HS2ST1: variants seen among roughly 807,000 people sequenced by gnomAD.
HS2ST1 encodes 2-O-sulfotransferase.
HS2ST1 carries 18 observed loss-of-function variants against 42.9 expected under a neutral mutation model. The ratio of observed to expected loss-of-function variants is 0.42; its 90% CI spans 0.29 to 0.62. HS2ST1 has a LOEUF of 0.62. Among genes scored for constraint, HS2ST1 ranks in the 20% least tolerant of loss-of-function variants. HS2ST1 has a pLI of 0.21. For synonymous variants in HS2ST1, 146 were observed against 152.9 expected (o/e 0.95, Z 0.33); for missense variants, 334 against 433.8 (o/e 0.77, Z 2.04).
chr1:87,077,642 TC>T (rs1651579217), intron 2 of HS2ST1, among the ~76,000 whole-genome samples: 1 of 152,226 alleles, frequency 6.6e-6, no homozygotes, highest in Non-Finnish European at 1.5e-5. Context: ...TATTATAAGA[TC>T]TTTAAGGATA....
intron 1 of HS2ST1, among the ~76,000 whole-genome samples, chr1:86,956,064 TCATA>T (rs1414765698): frequency 5.9e-5 from 9 of 152,318 alleles, no homozygotes; most frequent in Non-Finnish European, 8.8e-5. Context: ...AGCTGTCTCT[TCATA>T]CATATATGTG....
chr1:87,023,095 A>T (rs990213259), intron 1 of HS2ST1, among the ~76,000 whole-genome samples: 2 of 152,244 alleles, frequency 1.3e-5, no homozygotes, highest in African/African-American at 4.8e-5. Context: ...ATTGTTCCCA[A>T]TATGTCAATT....
At position 87,109,189 on chromosome 1, in the gene HS2ST1, G is replaced by A. The variant is rs969798908; in HGVS notation, c.*4493G>A. The A allele has an allele frequency of 6.6e-6, 1 of 152,486 alleles. No homozygotes were observed. The highest frequency in any genetic ancestry group is 2.4e-5 in the African/African-American group (1 of 41,416). 9.4% of individuals were successfully genotyped at this position (152,486 alleles called of 1,614,324 possible). A position where few individuals can be genotyped will look rare whatever the true frequency, so the allele number is the denominator to read the frequency against. On this transcript the variant is annotated 3_prime_UTR_variant, in exon 7 of 7. Transcript: ENST00000370550. ...TAAACAGTGGGAAGGGGAAAAATTG[G>A]TGTCCTGTTTTAATATTTTCTTTTG...
Position 86,975,858 on chromosome 1 carries a change from G to A in HS2ST1, c.124+60698G>A, listed in dbSNP as rs1374640142. Among the ~76,000 whole-genome samples, 5 of 152,278 alleles carry A rather than the reference G, an allele frequency of 3.3e-5. No homozygotes were observed. The East Asian group carries it at 9.6e-4, about 29-fold the overall frequency. On this transcript the variant is annotated intron_variant, in intron 1 of 6. Transcript: ENST00000370550. Reference sequence around the variant, plus strand: ...CCTATTTTAAGGGTGAAGTACAGGGGCTAGTAACTAAAAATCACGACCTTT... The same window carrying A: ...CCTATTTTAAGGGTGAAGTACAGGGACTAGTAACTAAAAATCACGACCTTT...
At chr1:86,918,315 T>G (rs988514464) in intron 1 of HS2ST1, among the ~76,000 whole-genome samples, 2 of 152,146 alleles carry the variant, frequency 1.3e-5, no homozygotes, top group African/African-American at 4.8e-5. Context: ...TTTTTTGCCT[T>G]GAATGTTATA....
intron 1 of HS2ST1, among the ~76,000 whole-genome samples, chr1:86,968,164 TC>T (rs1480837023): frequency 6.6e-6 from 1 of 152,240 alleles, no homozygotes; most frequent in Non-Finnish European, 1.5e-5. Flanking sequence ...TTCTTTGAGT[TC>T]CTTGGAGATT....
chr1:87,018,011 G>A (rs1649809738), intron 1 of HS2ST1, among the ~76,000 whole-genome samples: 1 of 151,946 alleles, frequency 6.6e-6, no homozygotes, highest in South Asian at 2.1e-4. Flanking sequence ...TTGACTCATT[G>A]GCTTACATCT....
At chr1:86,923,277 T>G in intron 1 of HS2ST1, among the ~76,000 whole-genome samples, 1 of 152,192 alleles carries the variant, frequency 6.6e-6, no homozygotes, top group East Asian at 1.9e-4. Context: ...AGAAAGAGGC[T>G]TAATTGGACT....
chr1:86,985,614 G>T (rs1384646988), intron 1 of HS2ST1, among the ~76,000 whole-genome samples: 1 of 149,946 alleles, frequency 6.7e-6, no homozygotes, highest in East Asian at 2.0e-4. Context: ...ATTTAAAATA[G>T]ATTTTTGGAA....
intron 1 of HS2ST1, among the ~76,000 whole-genome samples, chr1:87,038,127 G>T (rs573321955): frequency 6.6e-6 from 1 of 151,894 alleles, no homozygotes; most frequent in African/African-American, 2.4e-5. Flanking sequence ...ATTTTATTTA[G>T]TTAGGTCACA....
At chr1:87,080,120 G>T (rs1011359419) in intron 2 of HS2ST1, among the ~76,000 whole-genome samples, 4 of 152,114 alleles carry the variant, frequency 2.6e-5, no homozygotes, top group African/African-American at 9.7e-5. Context: ...ACCTCAGATA[G>T]CATGGATTTA....
intron 1 of HS2ST1, among the ~76,000 whole-genome samples, chr1:86,947,923 T>C (rs1269561897): frequency 2.0e-5 from 3 of 152,096 alleles, no homozygotes; most frequent in Non-Finnish European, 4.4e-5. Flanking sequence ...ATATGGAACA[T>C]TCAGAAGAGA....
intron 1 of HS2ST1, among the ~76,000 whole-genome samples, chr1:86,989,005 C>G (rs1253257456): frequency 6.6e-6 from 1 of 152,244 alleles, no homozygotes; most frequent in Non-Finnish European, 1.5e-5. Flanking sequence ...AAGACACCTT[C>G]TGGGCATGTG....
intron 1 of HS2ST1, among the ~76,000 whole-genome samples, chr1:86,926,744 T>A (rs1660430621): frequency 6.6e-6 from 1 of 152,212 alleles, no homozygotes; most frequent in South Asian, 2.1e-4. Context: ...ACTAATATTG[T>A]AAATTCAGGG....
intron 1 of HS2ST1, among the ~76,000 whole-genome samples, chr1:86,990,812 TTATATATA>T (rs57401994): frequency 9.8e-5 from 1 of 10,246 alleles, no homozygotes; most frequent in African/African-American, 1.5e-4. Context: ...CTGGCTAATT[TTATATATA>T]TATATATATA....
intron 1 of HS2ST1, among the ~76,000 whole-genome samples, chr1:86,922,419 T>TTGTG (rs150775849): frequency 0.089 from 13,125 of 147,766 alleles, 626 homozygotes; most frequent in Middle Eastern, 0.11. Flanking sequence ...GTTCTTCATT[T>TTGTG]TGTGTGTGTG....
chr1:87,037,433 C>A (rs904747694), intron 1 of HS2ST1, among the ~76,000 whole-genome samples: 7 of 151,266 alleles, frequency 4.6e-5, no homozygotes, highest in African/African-American at 1.5e-4. Context: ...CAATAAATGG[C>A]CTTTTAATAT....
At chr1:87,041,246 A>G (rs1215316093) in intron 1 of HS2ST1, among the ~76,000 whole-genome samples, 14 of 147,764 alleles carry the variant, frequency 9.5e-5, no homozygotes, top group Non-Finnish European at 2.1e-4. Flanking sequence ...AAAAACAAAA[A>G]AAAAAAAAGT....
At chr1:86,946,823 C>T (rs1193487939) in intron 1 of HS2ST1, among the ~76,000 whole-genome samples, 1 of 152,208 alleles carries the variant, frequency 6.6e-6, no homozygotes, top group Non-Finnish European at 1.5e-5. Flanking sequence ...AGACATTTGA[C>T]TCAGTTACCA....
Sources: gnomAD v4.1 joint callset for allele counts (sites outside exome capture counted in the v4.1 genomes callset) on GRCh38, gnomAD v4.1.1 for gene constraint, MANE v1.5 for transcripts, NCBI Gene and HGNC (gene_info 2026-07-23, HGNC 2026-07-21) for gene names.